The following CACNA2D1 variants were observed in gnomAD, a reference collection of about 807,000 sequenced individuals.
CACNA2D1 encodes voltage-dependent calcium channel subunit alpha-2/delta-1.
Under a neutral mutation model 171.5 loss-of-function variants are expected in CACNA2D1, and 53 were observed. The observed-to-expected ratio is 0.31, with a 90% CI of 0.25 to 0.39. The LOEUF is 0.39. CACNA2D1 is among the 10% of genes least tolerant of loss of function. CACNA2D1 has a pLI of 1.00. For missense variants in CACNA2D1, 903 were observed against 1,299.8 expected, an observed-to-expected ratio of 0.69 and a Z score of 4.69; for synonymous variants, 442 against 443.1, an observed-to-expected ratio of 1.00 and a Z score of 0.03.
intron 38 of CACNA2D1, among the ~76,000 whole-genome samples, chr7:81,956,406 T>TA (rs1439058923): frequency 6.6e-6 from 1 of 152,126 alleles, no homozygotes; most frequent in African/African-American, 2.4e-5. Flanking sequence ...AAGTAAGCTT[T>TA]TGAATCAAAA....
At position 82,393,105 on chromosome 7, in the gene CACNA2D1, GGCAGGC is replaced by G. The variant is rs1381879066; in HGVS notation, c.96-43462_96-43457del. 1.0e-3 allele frequency among the ~76,000 whole-genome samples: 143 copies of G among 143,228 alleles called. 2 individuals are homozygous for G. Among genetic ancestry groups the G allele is most frequent in the African/African-American group, 3.3e-3 (119 of 36,062 alleles). The allele number at this position is 143,228 out of a possible 152,430, so 94.0% of individuals were successfully genotyped here. A position where few individuals can be genotyped will look rare whatever the true frequency, so the allele number is the denominator to read the frequency against. On this transcript the variant is annotated intron_variant, in intron 1 of 38. Transcript: ENST00000356860. The stretch of plus-strand genomic sequence containing the variant: ...AGGAAGGCAGGCAGGCAGGCAGGCA[GGCAGGC>G]AGGGAGGGAGGGAGGGAGGCAGGCA...
At chr7:82,415,360 C>T (rs1256605833) in intron 1 of CACNA2D1, among the ~76,000 whole-genome samples, 1 of 151,960 alleles carries the variant, frequency 6.6e-6, no homozygotes, top group Non-Finnish European at 1.5e-5. Flanking sequence ...ATGATGAAAC[C>T]CCGTCTCTAC....
chr7:82,359,252 A>G (rs1820811108), intron 1 of CACNA2D1, among the ~76,000 whole-genome samples: 1 of 152,200 alleles, frequency 6.6e-6, no homozygotes, highest in Admixed American at 6.5e-5. Context: ...GATTTTTCTC[A>G]GTCATTGCAA....
intron 3 of CACNA2D1, among the ~76,000 whole-genome samples, chr7:82,301,365 T>C (rs1025310327): frequency 6.6e-6 from 1 of 152,166 alleles, no homozygotes; most frequent in Non-Finnish European, 1.5e-5. Context: ...CCTCAGGTGA[T>C]CCGCCTGCCT....
chr7:82,145,640 T>A (rs1261166836), intron 4 of CACNA2D1, among the ~76,000 whole-genome samples: 1 of 146,208 alleles, frequency 6.8e-6, no homozygotes, highest in Non-Finnish European at 1.5e-5. Flanking sequence ...ATAAAAATTT[T>A]ATATGTAAAA....
intron 11 of CACNA2D1, among the ~76,000 whole-genome samples, chr7:82,034,238 C>A (rs1803040688): frequency 6.6e-6 from 1 of 152,130 alleles, no homozygotes; most frequent in Non-Finnish European, 1.5e-5. Flanking sequence ...CAGCATGGCA[C>A]AGCCCTGGCT....
rs188247742 is a variant in CACNA2D1, at chr7:82,358,503, T to G, written c.96-8854A>C. The stretch of plus-strand genomic sequence containing the variant: ...TCTGTTTTTAGAAAGCTGTTTCAAC[T>G]TGTGAAGTGCTTTAGTATTCCATTT... On this transcript the variant is annotated intron_variant, in intron 1 of 38. Transcript: ENST00000356860. Among the ~76,000 whole-genome samples, 50 of 152,294 alleles carry G rather than the reference T, an allele frequency of 3.3e-4. No individual in the cohort carries two copies. In the East Asian group the frequency reaches 5.0e-3, roughly 15 times the overall value.
At chr7:82,178,115 A>G (rs1796743279) in intron 3 of CACNA2D1, among the ~76,000 whole-genome samples, 1 of 152,174 alleles carries the variant, frequency 6.6e-6, no homozygotes, top group Admixed American at 6.6e-5. Context: ...ACTTGCTGAA[A>G]TAAAGCCAGT....
rs185015146 is a variant in CACNA2D1 at position 82,099,052 on chromosome 7, C to A, written c.527-14152G>T. On this transcript the variant is annotated intron_variant, in intron 6 of 38. Transcript: ENST00000356860. ...CTGAAATGAATTTTACCATTCTTCC[C>A]AAAACGCATTTGCCTTCATATTAAT... Among the ~76,000 whole-genome samples, 1,201 of 152,238 alleles carry A rather than the reference C, an allele frequency of 7.9e-3. 19 individuals are homozygous for A. Among genetic ancestry groups the A allele is most frequent in the African/African-American group, 0.028 (1,145 of 41,552 alleles).
intron 4 of CACNA2D1, among the ~76,000 whole-genome samples, chr7:82,141,706 T>G (rs1291966027): frequency 1.3e-5 from 2 of 152,236 alleles, no homozygotes; most frequent in African/African-American, 4.8e-5. Context: ...TATGGTTGGA[T>G]GACATGACCA....
At chr7:82,146,956 G>T (rs1206673521) in intron 4 of CACNA2D1, among the ~76,000 whole-genome samples, 1 of 114,584 alleles carries the variant, frequency 8.7e-6, no homozygotes, top group African/African-American at 3.5e-5. Context: ...CTGCTCTCCA[G>T]CCTGGGTGAT....
At chr7:82,006,516 T>G (rs937016155) in intron 16 of CACNA2D1, among the ~76,000 whole-genome samples, 1 of 152,094 alleles carries the variant, frequency 6.6e-6, no homozygotes, top group Non-Finnish European at 1.5e-5. Context: ...TTGTTTCAAA[T>G]GGAATTATAT....
At chr7:82,084,466 C>A (rs1403127949) in intron 7 of CACNA2D1, among the ~76,000 whole-genome samples, 1 of 152,124 alleles carries the variant, frequency 6.6e-6, no homozygotes, top group Non-Finnish European at 1.5e-5. Context: ...GGGCCTTTAT[C>A]TCAGAGCTGT....
chr7:82,255,167 A>C (rs1233162325), intron 3 of CACNA2D1, among the ~76,000 whole-genome samples: 2 of 152,138 alleles, frequency 1.3e-5, no homozygotes, highest in African/African-American at 2.4e-5. Context: ...CACTTGCTAA[A>C]CAAAAGTTCC....
rs7802392 is a variant in CACNA2D1, at chr7:81,983,617, C to T, written c.1874-283G>A. ...ATTAATGCAGGTGTAATACCAATGA[C>T]GTCAGGCTATAAACATAAGCATTTA... is the stretch of plus-strand genomic sequence containing the variant. On this transcript the variant is annotated intron_variant, in intron 22 of 38. Transcript: ENST00000356860. Among the ~76,000 whole-genome samples the T allele has an allele frequency of 6.1e-3, 923 of 152,248 alleles. 3 individuals carry two copies. The highest frequency in any genetic ancestry group is 0.011 in the Non-Finnish European group (759 of 68,022).
chr7:82,066,659 T>G (rs961204008), intron 7 of CACNA2D1, 135 bp from the exon 8 acceptor site: 1 of 1,331,282 alleles, frequency 7.5e-7, no homozygotes, highest in Admixed American at 2.7e-5. Context: ...ATGAGAGATA[T>G]CATTTTTAAG....
intron 3 of CACNA2D1, among the ~76,000 whole-genome samples, chr7:82,242,075 C>T (rs1459161867): frequency 6.6e-6 from 1 of 152,022 alleles, no homozygotes; most frequent in African/African-American, 2.4e-5. Context: ...CAAAAGAATG[C>T]TATGAGGCTT....
At chr7:82,113,686 T>C (rs1254731653) in intron 6 of CACNA2D1, among the ~76,000 whole-genome samples, 2 of 152,184 alleles carry the variant, frequency 1.3e-5, no homozygotes, top group Non-Finnish European at 2.9e-5. Flanking sequence ...TGCATTTTCA[T>C]ATTCATTAAA....
intron 1 of CACNA2D1, among the ~76,000 whole-genome samples, chr7:82,433,426 T>C (rs1184510514): frequency 1.3e-5 from 2 of 152,348 alleles, no homozygotes; most frequent in African/African-American, 4.8e-5. Context: ...TTCTGAATTA[T>C]GTCATTCCTT....
Sources: allele counts gnomAD v4.1 joint callset (sites outside exome capture counted in the v4.1 genomes callset), GRCh38; gene constraint gnomAD v4.1.1; transcripts MANE v1.5; gene names NCBI Gene and HGNC (gene_info 2026-07-23, HGNC 2026-07-21).